Variants in RTN1 observed in about 807,000 individuals in gnomAD.
RTN1 encodes reticulon-1.
Under a neutral mutation model 65.5 loss-of-function variants are expected in RTN1, and 25 were observed. That is an observed-to-expected ratio of 0.38 (90% confidence interval 0.28 to 0.53). The LOEUF (loss-of-function observed/expected upper bound fraction) is 0.53. Ranked by LOEUF, RTN1 falls within the 20% of genes least tolerant of loss-of-function variation. RTN1 has a pLI of 0.79. For missense variants in RTN1, 983 were observed against 1,025.4 expected (o/e 0.96, Z 0.57); for synonymous variants, 471 against 447.6 (o/e 1.05, Z -0.66).
intron 1 of RTN1, among the ~76,000 whole-genome samples, chr14:59,749,256 C>A (rs865858336): frequency 1.2e-3 from 39 of 33,890 alleles, no homozygotes; most frequent in Admixed American, 3.0e-3. Context: ...ATCTATATAT[C>A]TATATATATC....
rs1885390820 is a variant in RTN1, at chr14:59,749,717, TTATATATCTATATATTTA to T, written c.242-3254_242-3237del. 3.3e-5 allele frequency among the ~76,000 whole-genome samples: 2 copies of T among 60,536 alleles called. 1 individual carries two copies. The allele number at this position is 60,536 out of a possible 152,430, so 39.7% of individuals were successfully genotyped here. ...TATATATCTATATATATCTATATAT[TTATATATCTATATATTTA>T]TATATATATCTATATGTATATTTAT... On this transcript the variant is annotated intron_variant, in intron 1 of 8. Coordinates refer to ENST00000267484, the MANE Select transcript of RTN1 (RefSeq NM_021136.3).
At position 59,745,832 on chromosome 14, in the gene RTN1, T is replaced by C. The variant is rs1272612143; in HGVS notation, c.891A>G (p.Gln297=). Reference sequence around the variant, plus strand: ...TATCTTGCTTCTCAGGGGTCTTCTCTTGGGTAGTGGTTTCAACAGAAGGTT... The same window carrying C: ...TATCTTGCTTCTCAGGGGTCTTCTCCTGGGTAGTGGTTTCAACAGAAGGTT... ...EIEPSVETTT[Q]EKTPEKQDIC... is the part of the protein sequence containing the mutation. The change falls in exon 2 of 9, where the codon CAA becomes CAG. Residue 297 remains glutamine, a synonymous_variant. Coordinates refer to ENST00000267484, the MANE Select transcript of RTN1 (RefSeq NM_021136.3). The C allele has an allele frequency of 5.6e-6, 9 of 1,613,940 alleles. No homozygotes were observed. Among genetic ancestry groups the C allele is most frequent in the Non-Finnish European group, 7.6e-6 (9 of 1,180,010 alleles).
At chr14:59,716,863 G>A (rs527868970) in intron 3 of RTN1, among the ~76,000 whole-genome samples, 67 of 151,878 alleles carry the variant, frequency 4.4e-4, no homozygotes, top group Admixed American at 9.2e-4. Context: ...AGCTACTCGG[G>A]AGGCTGAGGC....
At chr14:59,607,789 A>G (rs1231234840) in intron 3 of RTN1, among the ~76,000 whole-genome samples, 1 of 152,066 alleles carries the variant, frequency 6.6e-6, no homozygotes, top group East Asian at 1.9e-4. Flanking sequence ...CCATCCATAC[A>G]GTGGCCTGAA....
intron 3 of RTN1, among the ~76,000 whole-genome samples, chr14:59,655,684 C>T (rs1883108286): frequency 6.6e-6 from 1 of 152,178 alleles, no homozygotes; most frequent in South Asian, 2.1e-4. Flanking sequence ...ATATGGTCAA[C>T]TGATTTTTAA....
At chr14:59,759,664 TAA>T (rs1399371374) in intron 1 of RTN1, among the ~76,000 whole-genome samples, 5 of 150,278 alleles carry the variant, frequency 3.3e-5, no homozygotes, top group African/African-American at 1.2e-4. Context: ...CCCTAATATA[TAA>T]AGAGTTCCTA....
chr14:59,703,751 T>C (rs1884230864), intron 3 of RTN1, among the ~76,000 whole-genome samples: 1 of 152,232 alleles, frequency 6.6e-6, no homozygotes, highest in African/African-American at 2.4e-5. Flanking sequence ...GTATAAGATG[T>C]AACAACAAAT....
At chr14:59,735,079 T>C (rs1176202898) in intron 2 of RTN1, among the ~76,000 whole-genome samples, 1 of 152,066 alleles carries the variant, frequency 6.6e-6, no homozygotes, top group Non-Finnish European at 1.5e-5. Flanking sequence ...TGGGGGCCAA[T>C]ATTCAACACT....
chr14:59,782,526 C>T (rs1283651338), intron 1 of RTN1, among the ~76,000 whole-genome samples: 1 of 152,138 alleles, frequency 6.6e-6, no homozygotes, highest in East Asian at 1.9e-4. Flanking sequence ...CATTTTAAAG[C>T]ACCAATAAAA....
chr14:59,640,517 A>G (rs1336648040), intron 3 of RTN1, among the ~76,000 whole-genome samples: 1 of 152,078 alleles, frequency 6.6e-6, no homozygotes, highest in Non-Finnish European at 1.5e-5. Context: ...GGGTTTCACC[A>G]TCTTGGCCAG....
In RTN1 at chr14:59,870,255, G is replaced by C. The variant is rs1181114464; in HGVS notation, c.241+135C>G. 1 of 844,730 alleles carries C rather than the reference G, an allele frequency of 1.2e-6. No homozygotes were observed. Among genetic ancestry groups the C allele is most frequent in the East Asian group, 3.3e-5 (1 of 30,024 alleles). The allele number at this position is 844,730 out of a possible 1,614,324, so 52.3% of individuals were successfully genotyped here. The stretch of plus-strand genomic sequence containing the variant: ...AGCCCGCGAATATTCCCAGTCGCCC[G>C]TGGCGACGCGGGGGTGGGGTCGGCG... On this transcript the variant is annotated intron_variant, in intron 1 of 8. Coordinates refer to ENST00000267484, the MANE Select transcript of RTN1 (RefSeq NM_021136.3). This position sits in a 1 kb window ranked among gnomAD's most constrained non-coding sequence, Gnocchi z 5.1.
rs1885847813 is a variant in RTN1 at position 59,766,234 on chromosome 14, A to C, written c.242-19753T>G. 6.6e-6 allele frequency among the ~76,000 whole-genome samples: 1 copy of C among 152,024 alleles called. No homozygotes were observed. The highest frequency in any genetic ancestry group is 1.5e-5 in the Non-Finnish European group (1 of 67,992). On this transcript the variant is annotated intron_variant, in intron 1 of 8. Transcript: ENST00000267484. The surrounding 1 kb of genome is among the most constrained non-coding windows in gnomAD (Gnocchi z 4.4). ...GACAGAGTGAGACGCTGTCAAAAAAAAAAAATTCATTAACAATTACCTAGA... is the reference window on the plus strand; with the variant it reads ...GACAGAGTGAGACGCTGTCAAAAAACAAAAATTCATTAACAATTACCTAGA...
intron 3 of RTN1, among the ~76,000 whole-genome samples, chr14:59,693,896 A>G (rs1040705534): frequency 1.3e-5 from 2 of 152,200 alleles, no homozygotes; most frequent in African/African-American, 4.8e-5. Flanking sequence ...ACAATGGATG[A>G]ATGTGTTTAG....
At chr14:59,808,149 T>C (rs1479987676) in intron 1 of RTN1, among the ~76,000 whole-genome samples, 1 of 152,252 alleles carries the variant, frequency 6.6e-6, no homozygotes, top group Non-Finnish European at 1.5e-5. Context: ...TATTGTTCTG[T>C]ACTTAACTCA....
rs1324136467 is a variant in RTN1 at position 59,863,369 on chromosome 14, TC to T, written c.241+7020del. ...AAAACCATTTCAACCGAGATGTTTTTCCCGGCACTTTGAATGACTTCCTCAT... is the reference window on the plus strand; with the variant it reads ...AAAACCATTTCAACCGAGATGTTTTTCCGGCACTTTGAATGACTTCCTCAT... On this transcript the variant is annotated intron_variant, in intron 1 of 8. Coordinates refer to ENST00000267484, the MANE Select transcript of RTN1 (RefSeq NM_021136.3). Among the ~76,000 whole-genome samples the T allele has an allele frequency of 9.9e-5, 15 of 152,280 alleles. 1 individual carries two copies. The highest frequency in any genetic ancestry group is 6.5e-4 in the Admixed American group (10 of 15,288).
intron 1 of RTN1, among the ~76,000 whole-genome samples, chr14:59,775,756 C>T (rs1886039455): frequency 6.6e-6 from 1 of 152,136 alleles, no homozygotes; most frequent in African/African-American, 2.4e-5. Context: ...ATTCCATGTA[C>T]ATTTTAATAC....
intron 1 of RTN1, among the ~76,000 whole-genome samples, chr14:59,765,354 C>T (rs943830935): frequency 5.9e-5 from 9 of 152,176 alleles, no homozygotes; most frequent in Admixed American, 5.2e-4. Flanking sequence ...GAGATTTAAG[C>T]TCCATCTTGA....
At chr14:59,698,561 T>C (rs1594685025) in intron 3 of RTN1, among the ~76,000 whole-genome samples, 1 of 152,156 alleles carries the variant, frequency 6.6e-6, no homozygotes, top group East Asian at 1.9e-4. Context: ...TCATGAGATC[T>C]GTTGGTTTTA....
chr14:59,752,288 G>A (rs146856322), intron 1 of RTN1, among the ~76,000 whole-genome samples: 72 of 152,244 alleles, frequency 4.7e-4, no homozygotes, highest in Non-Finnish European at 8.5e-4. Context: ...TTTAGTGTCT[G>A]GTGAGGGCCC....
Sources: gnomAD v4.1 joint callset for allele counts (sites outside exome capture counted in the v4.1 genomes callset) on GRCh38, gnomAD v4.1.1 for gene constraint, Gnocchi (gnomAD v3.1) non-coding constraint, MANE v1.5 for transcripts, NCBI Gene and HGNC (gene_info 2026-07-23, HGNC 2026-07-21) for gene names.